The following RPTOR variants were observed in gnomAD, a reference collection of about 807,000 sequenced individuals.
RPTOR encodes the protein regulatory-associated protein of mTOR.
In RPTOR, 21 loss-of-function variants were observed where a neutral mutation model predicts 169.9. The observed-to-expected ratio is 0.12, with a 90% CI of 0.09 to 0.18. The LOEUF (loss-of-function observed/expected upper bound fraction) is 0.18. Ranked by LOEUF, RPTOR falls within the 10% of genes least tolerant of loss-of-function variation. The pLI, the probability that RPTOR is intolerant of heterozygous loss-of-function variation, is 1.00. For missense variants in RPTOR, 1,133 were observed against 1,855.9 expected (o/e 0.61, Z 7.16); for synonymous variants, 732 against 753.2 (o/e 0.97, Z 0.46).
At chr17:80,791,421 GC>G (rs746516499) in intron 6 of RPTOR, 28 bp from the exon 7 acceptor site, 8 of 1,608,692 alleles carry the variant, frequency 5.0e-6, no homozygotes, top group Non-Finnish European at 6.8e-6. Context: ...TTCCATTCAT[GC>G]CGTTCACATT....
chr17:80,634,237 GTGCGTGCATACTGTA>G lies in RPTOR; in HGVS notation c.265+8456_265+8470del, dbSNP rs1235360682. Among the ~76,000 whole-genome samples the G allele has an allele frequency of 5.4e-5, 8 of 148,778 alleles. 1 individual carries two copies. The East Asian group carries it at 9.8e-4, about 18-fold the overall frequency. ...TACTGTGTGCGTGTGTGTACTGTGT[GTGCGTGCATACTGTA>G]TGCGTGCATACCGTGTGTGTGCGTA... On this transcript the variant is annotated intron_variant, in intron 2 of 33. Coordinates refer to ENST00000306801, the MANE Select transcript of RPTOR (RefSeq NM_020761.3).
At chr17:80,801,757 C>G (rs184467548) in intron 7 of RPTOR, 1 of 152,160 alleles carries the variant, frequency 6.6e-6, no homozygotes, top group South Asian at 2.1e-4. Flanking sequence ...AGGCACTAGA[C>G]GCTGATTTAG....
In RPTOR at chr17:80,644,355, T is replaced by C. The variant is rs532514900; in HGVS notation, c.348+545T>C. 1.8e-4 allele frequency among the ~76,000 whole-genome samples: 28 copies of C among 151,914 alleles called. No individual in the cohort carries two copies. The South Asian group carries it at 5.6e-3, about 31-fold the overall frequency. On this transcript the variant is annotated intron_variant, in intron 3 of 33. Transcript: ENST00000306801. ...TTATATCTTACAGTTTTTTGTTTGT[T>C]TGTTTAAAGAAAAGTGGCTTAGAAT...
rs1244907499 is a variant in RPTOR at position 80,708,426 on chromosome 17, G to T, written c.507+427G>T. Among the ~76,000 whole-genome samples, 4 of 152,256 alleles carry T rather than the reference G, an allele frequency of 2.6e-5. No individual in the cohort carries two copies. Among genetic ancestry groups the T allele is most frequent in the African/African-American group, 9.6e-5 (4 of 41,472 alleles). On this transcript the variant is annotated intron_variant, in intron 4 of 33. Coordinates refer to ENST00000306801, the MANE Select transcript of RPTOR (RefSeq NM_020761.3). This position sits in a 1 kb window ranked among gnomAD's most constrained non-coding sequence, Gnocchi z 4.2. The stretch of plus-strand genomic sequence containing the variant: ...GCTAATTCCAAGCTGCCCTGCAGGT[G>T]CAGGCTCTGGGCTTCCCTCCTCAAG...
intron 1 of RPTOR, among the ~76,000 whole-genome samples, chr17:80,567,172 C>T (rs1251746551): frequency 5.3e-5 from 8 of 152,006 alleles, no homozygotes; most frequent in South Asian, 2.1e-4. Flanking sequence ...GGTTTCATCA[C>T]GTTGGCCAGG....
intron 13 of RPTOR, among the ~76,000 whole-genome samples, chr17:80,874,124 G>A (rs2068080349): frequency 1.3e-5 from 2 of 152,294 alleles, no homozygotes; most frequent in African/African-American, 4.8e-5. Context: ...AAGCATGCCA[G>A]TGATTTTGCT....
In RPTOR at chr17:80,695,971, C is replaced by G. The variant is rs1392910586; in HGVS notation, c.349-11870C>G. ...AGTTTGCAGAGGATGCTGGTTACAT[C>G]TTAGATGGAAATTGGCCGTGTCTCT... is the stretch of plus-strand genomic sequence containing the variant. On this transcript the variant is annotated intron_variant, in intron 3 of 33. Coordinates refer to ENST00000306801, the MANE Select transcript of RPTOR (RefSeq NM_020761.3). This position sits in a 1 kb window ranked among gnomAD's most constrained non-coding sequence, Gnocchi z 4.9. Among the ~76,000 whole-genome samples, 1 of 152,194 alleles carries G rather than the reference C, an allele frequency of 6.6e-6. No individual in the cohort carries two copies. Among genetic ancestry groups the G allele is most frequent in the African/African-American group, 2.4e-5 (1 of 41,444 alleles).
intron 1 of RPTOR, chr17:80,593,652 T>C (rs1275087638): frequency 6.6e-6 from 1 of 152,576 alleles, no homozygotes; most frequent in Non-Finnish European, 1.5e-5. Context: ...TTACAGCAGA[T>C]TAAATACAAT....
At chr17:80,893,626 G>A (rs1276076361) in intron 19 of RPTOR, 81 bp from the exon 20 acceptor site, 19 of 1,498,834 alleles carry the variant, frequency 1.3e-5, no homozygotes, top group East Asian at 7.1e-5. Flanking sequence ...AAGAAAATAT[G>A]TATCTCAGTC....
At chr17:80,946,574 G>A (rs997435644) in intron 26 of RPTOR, among the ~76,000 whole-genome samples, 4 of 152,228 alleles carry the variant, frequency 2.6e-5, no homozygotes, top group Admixed American at 6.5e-5. Context: ...GGAGTCACCC[G>A]GGATTTGGCC....
chr17:80,953,725 G>A (rs1364028367), intron 28 of RPTOR, among the ~76,000 whole-genome samples: 1 of 152,236 alleles, frequency 6.6e-6, no homozygotes, highest in East Asian at 1.9e-4. Context: ...ATATCCTGAG[G>A]GAGGGGGCTC....
intron 2 of RPTOR, among the ~76,000 whole-genome samples, chr17:80,634,857 CGT>C (rs67330071): frequency 0.46 from 52,138 of 113,042 alleles, 9,820 homozygotes; most frequent in Middle Eastern, 0.51. Context: ...GTGTGCATAC[CGT>C]GTGTGTGTGC....
intron 1 of RPTOR, among the ~76,000 whole-genome samples, chr17:80,595,038 A>G (rs1599586067): frequency 2.7e-5 from 2 of 73,666 alleles, no homozygotes; most frequent in Non-Finnish European, 6.3e-5. Context: ...ACAAGAAGGG[A>G]GAGAGAGAGA....
chr17:80,774,330 A>C, intron 6 of RPTOR: 3 of 985,438 alleles, frequency 3.0e-6, no homozygotes, highest in Non-Finnish European at 3.6e-6. Context: ...ATGTCATGTA[A>C]GCTGTTGAGT....
intron 19 of RPTOR, among the ~76,000 whole-genome samples, chr17:80,893,225 TGTGTGTGCGCCGGGGC>T (rs1417017387): frequency 6.6e-6 from 1 of 152,038 alleles, no homozygotes; most frequent in Non-Finnish European, 1.5e-5. Flanking sequence ...TGCCTGTGCC[TGTGTGTGCGCCGGGGC>T]GTGTGTGCCA....
intron 20 of RPTOR, among the ~76,000 whole-genome samples, chr17:80,904,137 GC>G (rs979644717): frequency 2.6e-4 from 39 of 152,244 alleles, no homozygotes; most frequent in African/African-American, 8.4e-4. Flanking sequence ...GCTCCGGCCG[GC>G]CCAGGAGGAG....
chr17:80,792,476 G>A (rs2067058503), intron 7 of RPTOR, among the ~76,000 whole-genome samples: 1 of 152,168 alleles, frequency 6.6e-6, no homozygotes, highest in Non-Finnish European at 1.5e-5. Flanking sequence ...AGGTGGCTGT[G>A]TGGCCAACAG....
intron 9 of RPTOR, among the ~76,000 whole-genome samples, chr17:80,833,545 G>T (rs527780905): frequency 6.6e-6 from 1 of 152,222 alleles, no homozygotes; most frequent in African/African-American, 2.4e-5. Flanking sequence ...GGCCTCTCGT[G>T]TGTACGTAGG....
intron 33 of RPTOR, 67 bp from the exon 34 acceptor site, chr17:80,964,195 G>GCCCC: frequency 3.4e-4 from 372 of 1,105,520 alleles, no homozygotes; most frequent in Non-Finnish European, 4.3e-4. Context: ...GTTGGCCTGC[G>GCCCC]CCCCCCCGCC....
Sources: gnomAD v4.1 joint callset for allele counts (sites outside exome capture counted in the v4.1 genomes callset) on GRCh38, gnomAD v4.1.1 for gene constraint, Gnocchi (gnomAD v3.1) non-coding constraint, MANE v1.5 for transcripts, NCBI Gene and HGNC (gene_info 2026-07-23, HGNC 2026-07-21) for gene names.